Variants in CACNA2D1 observed in about 807,000 individuals in gnomAD.
CACNA2D1 encodes calcium voltage-gated channel auxiliary subunit alpha2delta 1, also known as voltage-dependent calcium channel subunit alpha-2/delta-1.
Under a neutral mutation model 171.5 loss-of-function variants are expected in CACNA2D1, and 53 were observed. The observed-to-expected ratio is 0.31, with a 90% CI of 0.25 to 0.39. The LOEUF (loss-of-function observed/expected upper bound fraction) is 0.39. Among genes scored for constraint, CACNA2D1 ranks in the 10% least tolerant of loss-of-function variants. The pLI is 1.00. For missense variants in CACNA2D1, 903 were observed against 1,299.8 expected (o/e 0.69, Z 4.69); for synonymous variants, 442 against 443.1 (o/e 1.00, Z 0.03).
intron 6 of CACNA2D1, among the ~76,000 whole-genome samples, chr7:82,091,954 A>G (rs1039581539): frequency 2.8e-4 from 43 of 152,166 alleles, no homozygotes; most frequent in African/African-American, 1.0e-3. Flanking sequence ...AGGTCAAATA[A>G]ATTTATGAAT....
chr7:81,990,154 T>A (rs536273596), intron 21 of CACNA2D1, among the ~76,000 whole-genome samples: 41 of 152,238 alleles, frequency 2.7e-4, no homozygotes, highest in Non-Finnish European at 4.0e-4. Context: ...TCTATGTCAA[T>A]GCTACTTAAA....
At chr7:82,158,803 T>C (rs908158645) in intron 4 of CACNA2D1, among the ~76,000 whole-genome samples, 1 of 151,894 alleles carries the variant, frequency 6.6e-6, no homozygotes, top group East Asian at 1.9e-4. Context: ...TAGAATATGT[T>C]ACTTCTACAC....
At chr7:82,223,703 A>G (rs2129258567) in intron 3 of CACNA2D1, among the ~76,000 whole-genome samples, 1 of 152,344 alleles carries the variant, frequency 6.6e-6, no homozygotes, top group Middle Eastern at 3.4e-3. Flanking sequence ...AGTCCAGGAC[A>G]GCATCATGTC....
At chr7:82,068,596 A>T (rs1007984359) in intron 7 of CACNA2D1, among the ~76,000 whole-genome samples, 1 of 150,164 alleles carries the variant, frequency 6.7e-6, no homozygotes, top group Non-Finnish European at 1.5e-5. Context: ...TGAAAAATAA[A>T]TTTTCCTTGT....
intron 1 of CACNA2D1, among the ~76,000 whole-genome samples, chr7:82,424,771 T>G (rs1829027613): frequency 6.6e-6 from 1 of 152,340 alleles, no homozygotes; most frequent in African/African-American, 2.4e-5. Context: ...TTTACTTTCC[T>G]TATAGGATGG....
intron 1 of CACNA2D1, among the ~76,000 whole-genome samples, chr7:82,439,759 CT>C (rs965655461): frequency 6.6e-6 from 1 of 151,358 alleles, no homozygotes; most frequent in African/African-American, 2.4e-5. Flanking sequence ...AAACATACAT[CT>C]GTGGAATAGT....
chr7:82,064,933 G>A (rs566287186), intron 8 of CACNA2D1, among the ~76,000 whole-genome samples: 3 of 152,182 alleles, frequency 2.0e-5, no homozygotes, highest in East Asian at 1.9e-4. Flanking sequence ...ATTCAACCCC[G>A]TGGAATCAGA....
intron 6 of CACNA2D1, among the ~76,000 whole-genome samples, chr7:82,109,782 G>A (rs1221187778): frequency 6.6e-6 from 1 of 152,118 alleles, no homozygotes; most frequent in Non-Finnish European, 1.5e-5. Context: ...CTATTAGATA[G>A]ATTCCTTGCA....
At chr7:82,038,029 A>T in intron 11 of CACNA2D1, 48 bp downstream of exon 11, 3 of 1,569,592 alleles carry the variant, frequency 1.9e-6, no homozygotes, top group South Asian at 1.1e-5. Flanking sequence ...AAATTCAGAT[A>T]CTACAATTGA....
At chr7:82,063,289 TCAAGG>T (rs1807178093) in intron 9 of CACNA2D1, among the ~76,000 whole-genome samples, 1 of 152,126 alleles carries the variant, frequency 6.6e-6, no homozygotes, top group South Asian at 2.1e-4. Context: ...AAGAAGAATA[TCAAGG>T]ATTAGCATAT....
rs1475604493 is a variant in CACNA2D1 at position 81,973,966 on chromosome 7, CAT to C, written c.2053+487_2053+488del. On this transcript the variant is annotated intron_variant, in intron 25 of 38. Transcript: ENST00000356860. ...ATTACAGAAGCATAATTTTTTAAGACATAAAGTTAACTTGTGATCAAAATAGA... is the reference window on the plus strand; with the variant it reads ...ATTACAGAAGCATAATTTTTTAAGACAAAGTTAACTTGTGATCAAAATAGA... Among the ~76,000 whole-genome samples the C allele has an allele frequency of 1.1e-4, 16 of 151,938 alleles. No homozygotes were observed. The East Asian group carries it at 3.1e-3, about 29-fold the overall frequency.
intron 3 of CACNA2D1, among the ~76,000 whole-genome samples, chr7:82,327,484 T>C (rs1816796270): frequency 6.6e-6 from 1 of 152,240 alleles, no homozygotes; most frequent in South Asian, 2.1e-4. Flanking sequence ...CCATTCACCA[T>C]TGTATATAAA....
intron 12 of CACNA2D1, among the ~76,000 whole-genome samples, chr7:82,027,031 G>A (rs1329542526): frequency 1.3e-5 from 2 of 151,630 alleles, no homozygotes; most frequent in Admixed American, 6.6e-5. Context: ...ATAGAGAAGA[G>A]AATAGTGGTT....
intron 4 of CACNA2D1, among the ~76,000 whole-genome samples, chr7:82,144,537 T>C (rs796963610): frequency 3.3e-5 from 5 of 152,182 alleles, no homozygotes; most frequent in African/African-American, 1.2e-4. Flanking sequence ...TGTTCTGGCA[T>C]GAAATATTTT....
chr7:82,303,653 T>C (rs1813335481), intron 3 of CACNA2D1, among the ~76,000 whole-genome samples: 1 of 152,084 alleles, frequency 6.6e-6, no homozygotes, highest in Non-Finnish European at 1.5e-5. Context: ...AGCCAACTGA[T>C]TTTTTACAAA....
At chr7:82,339,240 G>A (rs1196187803) in intron 2 of CACNA2D1, among the ~76,000 whole-genome samples, 2 of 152,136 alleles carry the variant, frequency 1.3e-5, no homozygotes, top group Admixed American at 6.5e-5. Flanking sequence ...CCCTCTCCTA[G>A]GAAAGAGAAT....
At chr7:82,058,766 T>C (rs566411543) in intron 10 of CACNA2D1, among the ~76,000 whole-genome samples, 4 of 152,276 alleles carry the variant, frequency 2.6e-5, no homozygotes, top group African/African-American at 7.2e-5. Flanking sequence ...CTTCCTGTGC[T>C]GAACACATTC....
At chr7:82,120,272 T>C (rs1789564551) in intron 5 of CACNA2D1, among the ~76,000 whole-genome samples, 1 of 152,198 alleles carries the variant, frequency 6.6e-6, no homozygotes, top group Non-Finnish European at 1.5e-5. Flanking sequence ...TATGTATGTA[T>C]GTACGTATAT....
chr7:82,074,505 G>A (rs1317731765), intron 7 of CACNA2D1, among the ~76,000 whole-genome samples: 1 of 152,146 alleles, frequency 6.6e-6, no homozygotes, highest in Non-Finnish European at 1.5e-5. Context: ...TGGGATTACA[G>A]GCATGAGCCA....
Sources: allele counts gnomAD v4.1 joint callset (sites outside exome capture counted in the v4.1 genomes callset), GRCh38; gene constraint gnomAD v4.1.1; transcripts MANE v1.5; gene names NCBI Gene and HGNC (gene_info 2026-07-23, HGNC 2026-07-21).